The following POLR3B variants were observed in gnomAD, a reference collection of about 807,000 sequenced individuals.
POLR3B encodes RNA polymerase III subunit B.
In POLR3B, 96 loss-of-function variants were observed where a neutral mutation model predicts 147.4. The ratio of observed to expected loss-of-function variants is 0.65; its 90% CI spans 0.55 to 0.77. POLR3B has a LOEUF of 0.77. Among genes scored for constraint, POLR3B ranks in the 30% least tolerant of loss-of-function variants. POLR3B has a pLI of 0.00. For synonymous variants in POLR3B, 461 were observed against 485.9 expected (o/e 0.95, Z 0.67); for missense variants, 1,036 against 1,413.5 (o/e 0.73, Z 4.28).
chr12:106,463,669 A>G (rs1300891885), intron 23 of POLR3B, 49 bp downstream of exon 23: 1 of 1,481,476 alleles, frequency 6.8e-7, no homozygotes, highest in East Asian at 2.3e-5. Context: ...ATATGAATGT[A>G]TTTGTTAACC....
At chr12:106,438,902 A>G (rs914529159) in intron 18 of POLR3B, among the ~76,000 whole-genome samples, 1 of 152,256 alleles carries the variant, frequency 6.6e-6, no homozygotes, top group Non-Finnish European at 1.5e-5. Flanking sequence ...TTCTTGAACA[A>G]TGATATTTTT....
intron 21 of POLR3B, 100 bp downstream of exon 21, chr12:106,457,396 C>T: frequency 1.1e-6 from 1 of 950,570 alleles, no homozygotes; most frequent in Non-Finnish European, 1.7e-6. Flanking sequence ...AAAAAAGTAA[C>T]AACCTATAAA....
At chr12:106,362,614 G>A (rs2036485415) in intron 1 of POLR3B, among the ~76,000 whole-genome samples, 1 of 152,036 alleles carries the variant, frequency 6.6e-6, no homozygotes, top group Non-Finnish European at 1.5e-5. Context: ...GCATCTCTAT[G>A]TCCAATTTCT....
chr12:106,433,780 A>G lies in POLR3B; in HGVS notation c.1689A>G (p.Arg563=), dbSNP rs200865877. ...TAGTGAATACATTTCGACTCATGAG[A>G]AGAGCAGGATATATCAATGAATTTG... ...KKLVNTFRLM[R]RAGYINEFVS... is the part of the protein sequence containing the mutation. Residue 563 remains arginine (R), a synonymous_variant, in exon 16 of 28, where the codon AGA becomes AGG. Transcript: ENST00000228347. 40 of 1,613,390 alleles carry G rather than the reference A, an allele frequency of 2.5e-5. No individual in the cohort carries two copies. The African/African-American group carries it at 5.2e-4, about 21-fold the overall frequency.
chr12:106,509,569 TA>T lies in POLR3B; in HGVS notation c.*23del. ...GAATGAGGATGGAAAAAATGATTAT[TA>T]AAGAGAACAAGTGATACATCCAATG... On this transcript the variant is annotated 3_prime_UTR_variant, in exon 28 of 28. Coordinates refer to ENST00000228347, the MANE Select transcript of POLR3B (RefSeq NM_018082.6). The T allele has an allele frequency of 6.2e-7, 1 of 1,605,136 alleles. No homozygotes were observed. The highest frequency in any genetic ancestry group is 1.7e-5 in the Admixed American group (1 of 59,962).
At chr12:106,480,457 G>A (rs2038250619) in intron 23 of POLR3B, among the ~76,000 whole-genome samples, 2 of 152,256 alleles carry the variant, frequency 1.3e-5, no homozygotes, top group South Asian at 2.1e-4. Context: ...CAGTGCTTAA[G>A]GCTGTCAGCT....
At chr12:106,385,949 C>T (rs935822854) in intron 9 of POLR3B, among the ~76,000 whole-genome samples, 16 of 152,158 alleles carry the variant, frequency 1.1e-4, no homozygotes, top group African/African-American at 3.1e-4. Context: ...TCTTTCTTTA[C>T]GGTTTGCATT....
intron 23 of POLR3B, among the ~76,000 whole-genome samples, chr12:106,476,969 C>G (rs1475664316): frequency 6.6e-6 from 1 of 151,266 alleles, no homozygotes; most frequent in African/African-American, 2.4e-5. Flanking sequence ...TCCAGTTTTT[C>G]TGTTCTGTTT....
At position 106,444,577 on chromosome 12, in the gene POLR3B, G is replaced by C; in HGVS notation, c.2070G>C (p.Gly690=). ...SPRNTYQCAM[G]KQAMGTIGYN... Reference sequence around the variant, plus strand: ...GAAACACTTATCAGTGTGCCATGGGGAAACAAGCCATGGGTAAGATTTCCT... The same window carrying C: ...GAAACACTTATCAGTGTGCCATGGGCAAACAAGCCATGGGTAAGATTTCCT... The change falls in exon 19 of 28, where the codon GGG becomes GGC. Residue 690 remains glycine (G), a synonymous_variant. Transcript: ENST00000228347. The C allele has an allele frequency of 6.2e-7, 1 of 1,613,610 alleles. No homozygotes were observed. Among genetic ancestry groups the C allele is most frequent in the East Asian group, 2.2e-5 (1 of 44,822 alleles).
chr12:106,459,831 G>A (rs538002612), intron 22 of POLR3B, among the ~76,000 whole-genome samples: 6 of 152,282 alleles, frequency 3.9e-5, no homozygotes, highest in East Asian at 1.9e-4. Flanking sequence ...CATGAGTAAA[G>A]CATTTAAATT....
chr12:106,421,503 T>C (rs1328389052), intron 12 of POLR3B, among the ~76,000 whole-genome samples: 1 of 152,174 alleles, frequency 6.6e-6, no homozygotes, highest in Non-Finnish European at 1.5e-5. Context: ...ATTTGCATTT[T>C]CTATATTACT....
intron 19 of POLR3B, among the ~76,000 whole-genome samples, chr12:106,448,554 A>G (rs940737418): frequency 7.2e-6 from 1 of 139,292 alleles, no homozygotes; most frequent in Non-Finnish European, 1.5e-5. Context: ...CTCCTGCCTT[A>G]GCCTCCTGAG....
chr12:106,392,224 A>C (rs544449307), intron 9 of POLR3B, among the ~76,000 whole-genome samples: 8 of 152,098 alleles, frequency 5.3e-5, no homozygotes, highest in African/African-American at 1.7e-4. Flanking sequence ...GTGCAATGGC[A>C]CAATTTCAGC....
At chr12:106,385,128 A>G (rs1297797532) in intron 9 of POLR3B, among the ~76,000 whole-genome samples, 1 of 152,094 alleles carries the variant, frequency 6.6e-6, no homozygotes. Flanking sequence ...GGCCTTAAAT[A>G]TCTTTTAAAA....
At chr12:106,501,692 T>G (rs1267596279) in intron 26 of POLR3B, among the ~76,000 whole-genome samples, 1 of 152,234 alleles carries the variant, frequency 6.6e-6, no homozygotes, top group Non-Finnish European at 1.5e-5. Context: ...CTATTTACTG[T>G]GTAAATGTCT....
At chr12:106,369,019 G>A (rs1045483370) in intron 4 of POLR3B, among the ~76,000 whole-genome samples, 2 of 151,744 alleles carry the variant, frequency 1.3e-5, no homozygotes, top group Non-Finnish European at 2.9e-5. Flanking sequence ...ATCATTTTTA[G>A]GGAGCTGTAT....
intron 23 of POLR3B, among the ~76,000 whole-genome samples, chr12:106,474,947 A>T: frequency 7.4e-6 from 1 of 134,776 alleles, no homozygotes; most frequent in African/African-American, 3.2e-5. Context: ...AGTTCTTTTA[A>T]TTGTGATGTT....
Position 106,401,988 on chromosome 12 carries a change from A to G in POLR3B, c.847-3869A>G, listed in dbSNP as rs553181585. Among the ~76,000 whole-genome samples the G allele has an allele frequency of 5.1e-4, 77 of 152,352 alleles. 1 individual carries two copies. The highest frequency in any genetic ancestry group is 1.7e-3 in the African/African-American group (69 of 41,594). On this transcript the variant is annotated intron_variant, in intron 10 of 27. Coordinates refer to ENST00000228347, the MANE Select transcript of POLR3B (RefSeq NM_018082.6). ...GCAATCAGGCAGTTGAAGGAAATAA[A>G]GAGTATTCAATTAGGAAAAGAGGAA...
At chr12:106,431,881 A>G (rs1006950716) in intron 14 of POLR3B, among the ~76,000 whole-genome samples, 1 of 152,156 alleles carries the variant, frequency 6.6e-6, no homozygotes, top group African/African-American at 2.4e-5. Context: ...CTGGCCAGTT[A>G]TTTTATACAG....
Sources: allele counts gnomAD v4.1 joint callset (sites outside exome capture counted in the v4.1 genomes callset), GRCh38; gene constraint gnomAD v4.1.1; transcripts MANE v1.5; gene names NCBI Gene and HGNC (gene_info 2026-07-23, HGNC 2026-07-21).